Variants in SGMS1 observed in about 807,000 individuals in gnomAD.
SGMS1 encodes the protein phosphatidylcholine:ceramide cholinephosphotransferase 1.
SGMS1 carries 13 observed loss-of-function variants against 46.2 expected under a neutral mutation model. The ratio of observed to expected loss-of-function variants is 0.28; its 90% CI spans 0.18 to 0.45. SGMS1 has a LOEUF of 0.45. SGMS1 is among the 20% of genes least tolerant of loss of function. The probability of loss-of-function intolerance (pLI) is 1.00; values close to 1 mark genes in which losing one functional copy is unlikely to be tolerated. For synonymous variants in SGMS1, 203 were observed against 187.8 expected, an observed-to-expected ratio of 1.08 and a Z score of -0.66; for missense variants, 324 against 519.9, an observed-to-expected ratio of 0.62 and a Z score of 3.66.
chr10:50,621,831 T>C (rs1838852788), intron 1 of SGMS1, among the ~76,000 whole-genome samples: 1 of 152,248 alleles, frequency 6.6e-6, no homozygotes, highest in African/African-American at 2.4e-5. Flanking sequence ...TCACTGTCAC[T>C]TTCTGCAGAG....
chr10:50,555,135 G>C (rs757948350), intron 2 of SGMS1, among the ~76,000 whole-genome samples: 1 of 152,190 alleles, frequency 6.6e-6, no homozygotes, highest in Non-Finnish European at 1.5e-5. Flanking sequence ...GCAAGAAAGA[G>C]GCCAAGGCTT....
At chr10:50,518,475 G>T (rs1169530201) in intron 3 of SGMS1, among the ~76,000 whole-genome samples, 1 of 152,186 alleles carries the variant, frequency 6.6e-6, no homozygotes, top group African/African-American at 2.4e-5. Flanking sequence ...TGCCCAGGCT[G>T]GAGTGCAATG....
chr10:50,480,871 CA>C (rs1187418275), intron 3 of SGMS1, among the ~76,000 whole-genome samples: 2 of 152,192 alleles, frequency 1.3e-5, no homozygotes, highest in African/African-American at 4.8e-5. Context: ...GAATTCCCCA[CA>C]GCACCGCACA....
chr10:50,375,910 T>A (rs186484630), intron 6 of SGMS1, among the ~76,000 whole-genome samples: 1 of 152,182 alleles, frequency 6.6e-6, no homozygotes, highest in Non-Finnish European at 1.5e-5. Context: ...ATGTCCAGGC[T>A]AGACTCAAAC....
chr10:50,344,153 G>C lies in SGMS1; in HGVS notation c.-39C>G. 6.4e-7 allele frequency: 1 copy of C among 1,555,424 alleles called. No individual in the cohort carries two copies. Among genetic ancestry groups the C allele is most frequent in the Non-Finnish European group, 8.6e-7 (1 of 1,156,150 alleles). The stretch of plus-strand genomic sequence containing the variant: ...AGCAGGCAGTCCCCAGCTCTCTCTT[G>C]GCAGGTCAGCAGTCACTGTTCCGAC... On this transcript the variant is annotated 5_prime_UTR_variant, in exon 7 of 11. Transcript: ENST00000361781.
At chr10:50,423,998 A>G (rs988503970) in intron 6 of SGMS1, among the ~76,000 whole-genome samples, 3 of 152,244 alleles carry the variant, frequency 2.0e-5, no homozygotes, top group Admixed American at 2.0e-4. Context: ...GCAGATATTA[A>G]CAACTACACT....
chr10:50,569,493 C>T (rs1329809722), intron 2 of SGMS1, among the ~76,000 whole-genome samples: 1 of 152,014 alleles, frequency 6.6e-6, no homozygotes, highest in African/African-American at 2.4e-5. Flanking sequence ...TCTGCAGTTT[C>T]TTCCTTCAAA....
At chr10:50,384,771 T>C (rs753380505) in intron 6 of SGMS1, among the ~76,000 whole-genome samples, 1 of 151,972 alleles carries the variant, frequency 6.6e-6, no homozygotes, top group Non-Finnish European at 1.5e-5. Context: ...TTGAAATAAT[T>C]TTAGGTTTAA....
intron 3 of SGMS1, among the ~76,000 whole-genome samples, chr10:50,469,290 T>C (rs979603229): frequency 6.6e-6 from 1 of 152,218 alleles, no homozygotes; most frequent in African/African-American, 2.4e-5. Flanking sequence ...TTGACACTCC[T>C]TCCTCCTGTG....
At chr10:50,559,077 T>A (rs1838212160) in intron 2 of SGMS1, among the ~76,000 whole-genome samples, 1 of 152,106 alleles carries the variant, frequency 6.6e-6, no homozygotes, top group South Asian at 2.1e-4. Flanking sequence ...TCCATCCAGA[T>A]AACACCTGGC....
intron 5 of SGMS1, among the ~76,000 whole-genome samples, chr10:50,458,341 T>C (rs1018572819): frequency 7.9e-4 from 17 of 21,634 alleles, no homozygotes; most frequent in African/African-American, 1.5e-3. Flanking sequence ...CTTTTTCTCT[T>C]TTTTTTTTTT....
chr10:50,315,574 T>C (rs959859215), intron 8 of SGMS1, among the ~76,000 whole-genome samples: 4 of 152,262 alleles, frequency 2.6e-5, no homozygotes, highest in Non-Finnish European at 5.9e-5. Flanking sequence ...CATTTGCTTT[T>C]GATTCCTCAA....
chr10:50,405,100 C>T (rs1848994681), intron 6 of SGMS1, among the ~76,000 whole-genome samples: 1 of 152,006 alleles, frequency 6.6e-6, no homozygotes, highest in African/African-American at 2.4e-5. Context: ...TGAGAGGAGC[C>T]TTTGACATCT....
intron 6 of SGMS1, among the ~76,000 whole-genome samples, chr10:50,421,963 C>G (rs868803358): frequency 6.6e-6 from 1 of 152,162 alleles, no homozygotes; most frequent in African/African-American, 2.4e-5. Context: ...CACCATGCCC[C>G]CTGCCTGACA....
At chr10:50,323,701 T>C (rs1847484629) in intron 8 of SGMS1, among the ~76,000 whole-genome samples, 1 of 152,220 alleles carries the variant, frequency 6.6e-6, no homozygotes, top group Admixed American at 6.5e-5. Context: ...ATTTCCTCTA[T>C]ACCATGTCAT....
intron 6 of SGMS1, among the ~76,000 whole-genome samples, chr10:50,396,557 A>C (rs1230770478): frequency 1.1e-4 from 17 of 151,970 alleles, no homozygotes; most frequent in Non-Finnish European, 2.5e-4. Context: ...AATTAGACTA[A>C]CTCCATCTGT....
At chr10:50,519,134 C>G (rs750254455) in intron 3 of SGMS1, among the ~76,000 whole-genome samples, 1 of 152,120 alleles carries the variant, frequency 6.6e-6, no homozygotes, top group Non-Finnish European at 1.5e-5. Flanking sequence ...ATATACTATT[C>G]TGTTCAAGCT....
chr10:50,360,623 C>T (rs1848230908), intron 6 of SGMS1, among the ~76,000 whole-genome samples: 1 of 152,176 alleles, frequency 6.6e-6, no homozygotes, highest in Non-Finnish European at 1.5e-5. Context: ...AGAACTTGGA[C>T]ACGGATTCAC....
At position 50,336,170 on chromosome 10, in the gene SGMS1, TG is replaced by T. The variant is rs1477810361; in HGVS notation, c.623+7321del. On this transcript the variant is annotated intron_variant, in intron 7 of 10. Transcript: ENST00000361781. ...AAGACAGAGGAGGCACAGCGAGGCC[TG>T]CAAGAGGCTAGGAGATCCAGATGAT... 5 of 152,296 alleles carry T rather than the reference TG, an allele frequency of 3.3e-5. No individual in the cohort carries two copies. The East Asian group carries it at 9.7e-4, about 29-fold the overall frequency. The allele number at this position is 152,296 out of a possible 1,614,324, so 9.4% of individuals were successfully genotyped here.
Sources: gnomAD v4.1 joint callset for allele counts (sites outside exome capture counted in the v4.1 genomes callset) on GRCh38, gnomAD v4.1.1 for gene constraint, MANE v1.5 for transcripts, NCBI Gene and HGNC (gene_info 2026-07-23, HGNC 2026-07-21) for gene names.